FAM228B: variants seen among roughly 807,000 people sequenced by gnomAD.
FAM228B encodes family with sequence similarity 228 member B.
In FAM228B, 38 loss-of-function variants were observed where a neutral mutation model predicts 42.6. That is an observed-to-expected ratio of 0.89 (90% confidence interval 0.69 to 1.17). The LOEUF is 1.17. Among genes scored for constraint, FAM228B ranks in the 50% most tolerant of loss-of-function variants. The pLI is 0.00. For synonymous variants in FAM228B, 109 were observed against 122.3 expected (o/e 0.89, Z 0.72); for missense variants, 344 against 367.3 (o/e 0.94, Z 0.52).
At chr2:24,081,006 C>T (rs1015206044) in intron 2 of FAM228B, 7 of 1,614,116 alleles carry the variant, frequency 4.3e-6, no homozygotes, top group Admixed American at 3.3e-5. Context: ...CATGGATTAG[C>T]ACATAGTCTC....
At chr2:24,131,280 C>G (rs999822817) in intron 2 of FAM228B, among the ~76,000 whole-genome samples, 2 of 152,044 alleles carry the variant, frequency 1.3e-5, no homozygotes, top group African/African-American at 4.8e-5. Flanking sequence ...CAGCTTTGTT[C>G]TTTTTGCTTA....
chr2:24,147,164 G>T, intron 7 of FAM228B, 78 bp downstream of exon 7: 4 of 995,140 alleles, frequency 4.0e-6, no homozygotes, highest in South Asian at 2.5e-5. Flanking sequence ...ATTTTTCATA[G>T]TTATGATTTT....
intron 5 of FAM228B, among the ~76,000 whole-genome samples, chr2:24,145,293 A>C (rs1573773817): frequency 6.6e-6 from 1 of 152,142 alleles, no homozygotes; most frequent in East Asian, 1.9e-4. Flanking sequence ...CAGTGTCCCC[A>C]TCCCCCGCAA....
chr2:24,119,324 T>G (rs1020228336), upstream of FAM228B, among the ~76,000 whole-genome samples: 1 of 152,148 alleles, frequency 6.6e-6, no homozygotes, highest in East Asian at 1.9e-4. Context: ...GGAAACAGTT[T>G]GCTATGAGAC....
At chr2:24,082,328 A>T (rs537126793) in intron 2 of FAM228B, among the ~76,000 whole-genome samples, 1 of 152,242 alleles carries the variant, frequency 6.6e-6, no homozygotes, top group Admixed American at 6.5e-5. Flanking sequence ...TGTCCTTCAC[A>T]AGTCTACCCA....
intron 2 of FAM228B, among the ~76,000 whole-genome samples, chr2:24,127,452 T>C (rs1247224830): frequency 2.0e-5 from 3 of 152,228 alleles, no homozygotes; most frequent in African/African-American, 7.2e-5. Flanking sequence ...CTTGGGTATG[T>C]AACCTAGGAG....
chr2:24,121,190 T>G (rs33913065), upstream of FAM228B: 303,414 of 1,613,948 alleles, frequency 0.19, 29,834 homozygotes, highest in South Asian at 0.2. Flanking sequence ...AATATTCATC[T>G]GCCCGGACAC....
chr2:24,104,341 A>G (rs1255325052), intron 3 of FAM228B, among the ~76,000 whole-genome samples: 1 of 152,216 alleles, frequency 6.6e-6, no homozygotes, highest in African/African-American at 2.4e-5. Context: ...CTCGAGTCCA[A>G]GGGGACCTCT....
intron 7 of FAM228B, among the ~76,000 whole-genome samples, chr2:24,157,805 G>A (rs960454105): frequency 3.9e-5 from 6 of 151,982 alleles, no homozygotes; most frequent in Non-Finnish European, 5.9e-5. Flanking sequence ...CTGAGGGTGG[G>A]ACCTACACAT....
In FAM228B at chr2:24,161,499, G is replaced by C. The variant is rs1158866014; in HGVS notation, c.687-7G>C. The C allele has an allele frequency of 2.1e-6, 3 of 1,451,274 alleles. No individual in the cohort carries two copies. The highest frequency in any genetic ancestry group is 4.9e-5 in the East Asian group (2 of 40,472). 89.9% of individuals were successfully genotyped at this position (1,451,274 alleles called of 1,614,324 possible). A position where few individuals can be genotyped will look rare whatever the true frequency, so the allele number is the denominator to read the frequency against. On this transcript the variant is annotated splice_polypyrimidine_tract_variant and splice_region_variant and intron_variant, in intron 7 of 10. Transcript: ENST00000615575. ...AAAACCTTCTCACACTTGTTATCTTGTTAAAGGTTAAAGGTGAAAGTGAAT... is the reference window on the plus strand; with the variant it reads ...AAAACCTTCTCACACTTGTTATCTTCTTAAAGGTTAAAGGTGAAAGTGAAT...
At chr2:24,122,340 A>AAAAAAT, upstream of FAM228B, 1 of 1,080,202 alleles carries the variant, frequency 9.3e-7, no homozygotes, top group Non-Finnish European at 1.4e-6. Context: ...AAAAAAAAAA[A>AAAAAAT]GTCATGTCTG....
At chr2:24,108,854 T>C (rs1370580827) in intron 3 of FAM228B, among the ~76,000 whole-genome samples, 1 of 151,002 alleles carries the variant, frequency 6.6e-6, no homozygotes, top group Non-Finnish European at 1.5e-5. Flanking sequence ...TGAGCCGAGA[T>C]TGCGCCACTG....
chr2:24,088,184 A>C (rs950248192), intron 2 of FAM228B, among the ~76,000 whole-genome samples: 1 of 151,384 alleles, frequency 6.6e-6, no homozygotes, highest in African/African-American at 2.4e-5. Context: ...GGCCCTAAAA[A>C]CTCTTGAACA....
chr2:24,157,540 C>A (rs539217864), intron 7 of FAM228B, among the ~76,000 whole-genome samples: 1 of 152,030 alleles, frequency 6.6e-6, no homozygotes, highest in Non-Finnish European at 1.5e-5. Flanking sequence ...GAGTTTGAGA[C>A]CAGCCTGGCA....
chr2:24,132,364 C>T (rs1573764227), intron 2 of FAM228B, among the ~76,000 whole-genome samples: 1 of 151,894 alleles, frequency 6.6e-6, no homozygotes, highest in South Asian at 2.1e-4. Context: ...GGAGGAGTCC[C>T]TCCTTTTCAA....
At position 24,084,411 on chromosome 2, in the gene FAM228B, C is replaced by A. The variant is rs963528672; in HGVS notation, c.-210+3456C>A. Reference sequence around the variant, plus strand: ...CAGGACAGGGCAGGGCAGGACAGGACAGGGCAGGGGCCGCTGTATCCTCGC... The same window carrying A: ...CAGGACAGGGCAGGGCAGGACAGGAAAGGGCAGGGGCCGCTGTATCCTCGC... On this transcript the variant is annotated intron_variant, in intron 2 of 10. Coordinates refer to the FAM228B transcript ENST00000613899. This position sits in a 1 kb window ranked among gnomAD's most constrained non-coding sequence, Gnocchi z 8.4. 35 of 1,456,270 alleles carry A rather than the reference C, an allele frequency of 2.4e-5. No individual in the cohort carries two copies. In the Admixed American group the frequency reaches 7.5e-4, roughly 31 times the overall value. 90.2% of individuals were successfully genotyped at this position (1,456,270 alleles called of 1,614,324 possible).
chr2:24,131,604 T>C (rs1666455000), intron 2 of FAM228B, among the ~76,000 whole-genome samples: 1 of 152,054 alleles, frequency 6.6e-6, no homozygotes. Context: ...TGAATGAGAG[T>C]TTATTAATGA....
At chr2:24,078,564 A>G (rs968279427) in intron 1 of FAM228B, among the ~76,000 whole-genome samples, 1 of 152,008 alleles carries the variant, frequency 6.6e-6, no homozygotes, top group Admixed American at 6.6e-5. Flanking sequence ...CCAGCTGAAG[A>G]GACCACATAG....
intron 3 of FAM228B, among the ~76,000 whole-genome samples, chr2:24,135,633 T>C (rs935137833): frequency 4.6e-5 from 7 of 152,198 alleles, no homozygotes; most frequent in African/African-American, 1.7e-4. Flanking sequence ...TGTTTTTATT[T>C]TTAAGAAATT....
Sources: allele counts gnomAD v4.1 joint callset (sites outside exome capture counted in the v4.1 genomes callset), GRCh38; gene constraint gnomAD v4.1.1; non-coding constraint Gnocchi (gnomAD v3.1); transcripts MANE v1.5; gene names NCBI Gene and HGNC (gene_info 2026-07-23, HGNC 2026-07-21).